Variants in RRP15 observed in about 807,000 individuals in gnomAD.
RRP15 encodes the protein RRP15-like protein.
RRP15 carries 18 observed loss-of-function variants against 27.1 expected under a neutral mutation model. The ratio of observed to expected loss-of-function variants is 0.66; its 90% confidence interval spans 0.46 to 0.98. The LOEUF (loss-of-function observed/expected upper bound fraction) is 0.98, where lower values mean the gene tolerates loss of function less well. Ranked by LOEUF, RRP15 falls within the 50% of genes least tolerant of loss-of-function variation. The pLI is 0.00. For synonymous variants in RRP15, 107 were observed against 109.4 expected (o/e 0.98, Z 0.14); for missense variants, 359 against 337.8 (o/e 1.06, Z -0.49).
At chr1:218,295,947 A>G (rs773020159) in intron 1 of RRP15, among the ~76,000 whole-genome samples, 18 of 151,998 alleles carry the variant, frequency 1.2e-4, no homozygotes, top group Non-Finnish European at 2.1e-4. Context: ...ATCAATTTTG[A>G]ATATTCTAAA....
chr1:218,291,225 G>A (rs1045732351), intron 1 of RRP15, among the ~76,000 whole-genome samples: 1 of 151,950 alleles, frequency 6.6e-6, no homozygotes, highest in Non-Finnish European at 1.5e-5. Flanking sequence ...ATCACTTAAA[G>A]TCAGGAATTT....
At chr1:218,307,201 A>G (rs1305958944) in intron 3 of RRP15, among the ~76,000 whole-genome samples, 6 of 152,212 alleles carry the variant, frequency 3.9e-5, no homozygotes, top group Non-Finnish European at 8.8e-5. Flanking sequence ...TTATGTACCA[A>G]TCCACATTTG....
chr1:218,296,010 A>G (rs1260107238), intron 1 of RRP15, among the ~76,000 whole-genome samples: 1 of 152,182 alleles, frequency 6.6e-6, no homozygotes. Flanking sequence ...GATGATTTAC[A>G]GCTGAATGGG....
chr1:218,317,374 A>G (rs1656105568), intron 4 of RRP15, among the ~76,000 whole-genome samples: 2 of 152,248 alleles, frequency 1.3e-5, no homozygotes, highest in South Asian at 4.1e-4. Flanking sequence ...CTGGCTGATA[A>G]GCCACAGTGT....
intron 1 of RRP15, among the ~76,000 whole-genome samples, chr1:218,288,844 GT>G (rs1655590574): frequency 1.3e-5 from 2 of 152,130 alleles, no homozygotes; most frequent in African/African-American, 2.4e-5. Flanking sequence ...CACTTCCAAT[GT>G]TTATAACCAG....
At chr1:218,318,423 G>T (rs1656123514) in intron 4 of RRP15, among the ~76,000 whole-genome samples, 1 of 151,960 alleles carries the variant, frequency 6.6e-6, no homozygotes, top group African/African-American at 2.4e-5. Flanking sequence ...TTTTTAAAGA[G>T]ACAAGCCAGT....
At chr1:218,306,041 C>T (rs1655893963) in intron 3 of RRP15, among the ~76,000 whole-genome samples, 1 of 152,108 alleles carries the variant, frequency 6.6e-6, no homozygotes, top group African/African-American at 2.4e-5. Flanking sequence ...TAGAAAAGTA[C>T]AGGCTCAGTA....
chr1:218,306,434 C>T (rs1655899916), intron 3 of RRP15, among the ~76,000 whole-genome samples: 1 of 152,128 alleles, frequency 6.6e-6, no homozygotes, highest in Non-Finnish European at 1.5e-5. Context: ...GATGTTACCT[C>T]ATCCCTCAAG....
At chr1:218,287,979 A>G (rs957705446) in intron 1 of RRP15, among the ~76,000 whole-genome samples, 1 of 152,184 alleles carries the variant, frequency 6.6e-6, no homozygotes, top group Non-Finnish European at 1.5e-5. Context: ...GCGGTCTCTT[A>G]AAATTCATGG....
At chr1:218,302,134 G>T (rs1655819247) in intron 1 of RRP15, among the ~76,000 whole-genome samples, 160 bp from the exon 2 acceptor site, 3 of 152,052 alleles carry the variant, frequency 2.0e-5, no homozygotes, top group African/African-American at 7.2e-5. Context: ...GGGATAGATG[G>T]TCCTATTGCT....
Position 218,329,693 on chromosome 1 carries a change from C to A in RRP15, c.706-1255C>A, listed in dbSNP as rs1239837254. Among the ~76,000 whole-genome samples the A allele has an allele frequency of 2.0e-5, 3 of 152,108 alleles. No homozygotes were observed. In the East Asian group the frequency reaches 5.8e-4, roughly 29 times the overall value. On this transcript the variant is annotated intron_variant, in intron 4 of 4. Transcript: ENST00000366932. The stretch of plus-strand genomic sequence containing the variant: ...TGATATACGAAGTCAGTTCTGAAAT[C>A]TTTGCTTACATTTATATCCCATTCA...
At chr1:218,316,986 T>G (rs1262729363) in intron 4 of RRP15, among the ~76,000 whole-genome samples, 2 of 152,236 alleles carry the variant, frequency 1.3e-5, no homozygotes, top group Non-Finnish European at 2.9e-5. Context: ...AAACTAGATT[T>G]GAAGGAACTA....
intron 4 of RRP15, among the ~76,000 whole-genome samples, chr1:218,318,245 A>T (rs1656121348): frequency 6.6e-6 from 1 of 152,286 alleles, no homozygotes; most frequent in East Asian, 1.9e-4. Flanking sequence ...TTTTAAAAAA[A>T]AATCAGTTTT....
At chr1:218,298,009 T>C (rs1452590976) in intron 1 of RRP15, among the ~76,000 whole-genome samples, 1 of 152,160 alleles carries the variant, frequency 6.6e-6, no homozygotes, top group Non-Finnish European at 1.5e-5. Context: ...CTTGGTGTCA[T>C]TTTATAAATA....
rs1425435499 is a variant in RRP15, at chr1:218,332,599, T to A, written c.*1508T>A. On this transcript the variant is annotated 3_prime_UTR_variant, in exon 5 of 5. Transcript: ENST00000366932. ...GTTTATATTTTGAAACCCATTTGAG[T>A]GTTACAGTATTATATGACTAAAGCT... The A allele has an allele frequency of 2.0e-5, 3 of 152,068 alleles. No homozygotes were observed. Among genetic ancestry groups the A allele is most frequent in the Admixed American group, 1.3e-4 (2 of 15,272 alleles). 9.4% of individuals were successfully genotyped at this position (152,068 alleles called of 1,614,324 possible). A position where few individuals can be genotyped will look rare whatever the true frequency, so the allele number is the denominator to read the frequency against.
In RRP15 at chr1:218,285,379, G is replaced by A. The variant is rs376623557; in HGVS notation, c.63G>A (p.Lys21=). The A allele has an allele frequency of 6.2e-7, 1 of 1,613,262 alleles. No homozygotes were observed. The change falls in exon 1 of 5, where the codon AAG becomes AAA. Residue 21 remains lysine, a synonymous_variant. Coordinates refer to ENST00000366932, the MANE Select transcript of RRP15 (RefSeq NM_016052.4). The part of the protein sequence containing the change: ...SEEENLKKTP[K]KKMKMVTGAV... ...AAGAAAACCTGAAAAAGACCCCAAA[G>A]AAGAAGATGAAAATGGTAACTGGAG...
Position 218,331,372 on chromosome 1 carries a change from G to T in RRP15, c.*281G>T, listed in dbSNP as rs1305559620. On this transcript the variant is annotated 3_prime_UTR_variant, in exon 5 of 5. Transcript: ENST00000366932. ...ATTTTGCCAGGATCATATTGGTCAT[G>T]TCTATTGGTGTATTATTTCAGTATC... The T allele has an allele frequency of 4.4e-6, 1 of 225,176 alleles. No individual in the cohort carries two copies. Among genetic ancestry groups the T allele is most frequent in the Non-Finnish European group, 8.8e-6 (1 of 114,194 alleles). The allele number at this position is 225,176 out of a possible 1,614,324, so 13.9% of individuals were successfully genotyped here.
At position 218,287,466 on chromosome 1, in the gene RRP15, C is replaced by T. The variant is rs547864174; in HGVS notation, c.139+2011C>T. On this transcript the variant is annotated intron_variant, in intron 1 of 4. Coordinates refer to ENST00000366932, the MANE Select transcript of RRP15 (RefSeq NM_016052.4). Reference sequence around the variant, plus strand: ...AATTTATCTAATTCAATTCAATGAACACTTGTTGTGTTCCCTTAGGTTCCA... The same window carrying T: ...AATTTATCTAATTCAATTCAATGAATACTTGTTGTGTTCCCTTAGGTTCCA... Among the ~76,000 whole-genome samples, 46 of 152,246 alleles carry T rather than the reference C, an allele frequency of 3.0e-4. No individual in the cohort carries two copies. The South Asian group carries it at 9.5e-3, about 32-fold the overall frequency.
chr1:218,320,067 A>G (rs1184108088), intron 4 of RRP15, among the ~76,000 whole-genome samples: 1 of 75,088 alleles, frequency 1.3e-5, no homozygotes, highest in Non-Finnish European at 2.8e-5. Context: ...CTTTTATTTT[A>G]TTATTATTAT....
Sources: allele counts gnomAD v4.1 joint callset (sites outside exome capture counted in the v4.1 genomes callset), GRCh38; gene constraint gnomAD v4.1.1; transcripts MANE v1.5; gene names NCBI Gene and HGNC (gene_info 2026-07-23, HGNC 2026-07-21).